The following GRID1 variants were observed in gnomAD, a reference collection of about 807,000 sequenced individuals.
The protein encoded by GRID1 is glutamate receptor ionotropic, delta-1.
A neutral mutation model predicts 98.0 loss-of-function variants in GRID1; 28 were observed. That is an observed-to-expected ratio of 0.29 (90% confidence interval 0.21 to 0.39). The LOEUF is 0.39. Among genes scored for constraint, GRID1 ranks in the 10% least tolerant of loss-of-function variants. The pLI, the probability that GRID1 is intolerant of heterozygous loss-of-function variation, is 1.00. For synonymous variants in GRID1, 553 were observed against 538.5 expected (o/e 1.03, Z -0.37); for missense variants, 1,111 against 1,340.5 (o/e 0.83, Z 2.67).
chr10:85,908,127 G>C (rs1841487764), intron 5 of GRID1, among the ~76,000 whole-genome samples: 1 of 152,116 alleles, frequency 6.6e-6, no homozygotes, highest in African/African-American at 2.4e-5. Context: ...ATACGAAAAT[G>C]ATGTCTCCTG....
chr10:85,684,722 A>C (rs1841249283), intron 12 of GRID1, among the ~76,000 whole-genome samples: 1 of 152,210 alleles, frequency 6.6e-6, no homozygotes, highest in South Asian at 2.1e-4. Context: ...CCATAATACA[A>C]TATCATAGAC....
intron 2 of GRID1, among the ~76,000 whole-genome samples, chr10:86,217,234 G>A (rs1283537518): frequency 6.6e-6 from 1 of 152,210 alleles, no homozygotes; most frequent in Non-Finnish European, 1.5e-5. Context: ...ACCAGCCCAG[G>A]AGACAGTCAG....
intron 12 of GRID1, among the ~76,000 whole-genome samples, chr10:85,699,924 T>A (rs1406026539): frequency 6.6e-6 from 1 of 152,228 alleles, no homozygotes; most frequent in African/African-American, 2.4e-5. Flanking sequence ...TTGCAGTTTA[T>A]ACCAACATGC....
intron 4 of GRID1, among the ~76,000 whole-genome samples, chr10:86,119,065 A>C (rs962625679): frequency 6.6e-6 from 1 of 152,226 alleles, no homozygotes; most frequent in Non-Finnish European, 1.5e-5. Context: ...GGCCGGGCAC[A>C]GTGGCTCATG....
intron 4 of GRID1, among the ~76,000 whole-genome samples, chr10:85,966,470 C>T (rs564464238): frequency 2.0e-5 from 3 of 152,208 alleles, no homozygotes; most frequent in East Asian, 1.9e-4. Context: ...CCCCATCATA[C>T]ATACAGAACC....
At chr10:86,147,408 C>T (rs957095738) in intron 3 of GRID1, among the ~76,000 whole-genome samples, 6 of 152,240 alleles carry the variant, frequency 3.9e-5, no homozygotes, top group African/African-American at 7.2e-5. Context: ...AAAAGAACAA[C>T]GCTGGAGGCA....
At chr10:86,279,713 A>T (rs1169757597) in intron 2 of GRID1, among the ~76,000 whole-genome samples, 1 of 152,244 alleles carries the variant, frequency 6.6e-6, no homozygotes, top group African/African-American at 2.4e-5. Flanking sequence ...GTTCACTGTC[A>T]TCACTTCTAA....
chr10:85,648,958 A>G (rs1297233137), intron 12 of GRID1, among the ~76,000 whole-genome samples: 1 of 152,222 alleles, frequency 6.6e-6, no homozygotes, highest in East Asian at 1.9e-4. Flanking sequence ...TGGTCCAGAA[A>G]AGTTAGTTAA....
chr10:86,348,453 A>T (rs1448461503), intron 2 of GRID1, among the ~76,000 whole-genome samples: 5 of 152,220 alleles, frequency 3.3e-5, no homozygotes. Flanking sequence ...GGGTGGAGGC[A>T]ACCAGGAGAG....
intron 5 of GRID1, among the ~76,000 whole-genome samples, 188 bp downstream of exon 5, chr10:85,915,998 C>T (rs1445891258): frequency 6.6e-6 from 1 of 152,212 alleles, no homozygotes; most frequent in Admixed American, 6.5e-5. Context: ...TTCTCTCGTT[C>T]CCACCTGCCA....
intron 4 of GRID1, among the ~76,000 whole-genome samples, chr10:85,952,119 T>G (rs1016910035): frequency 6.6e-6 from 1 of 152,240 alleles, no homozygotes; most frequent in Non-Finnish European, 1.5e-5. Flanking sequence ...CCTTTCTGTC[T>G]CTTATAGCAC....
rs113371313 is a variant in GRID1, at chr10:86,365,651, T to C, written c.79+663A>G. Among the ~76,000 whole-genome samples, 2 of 150,860 alleles carry C rather than the reference T, an allele frequency of 1.3e-5. No individual in the cohort carries two copies. The highest frequency in any genetic ancestry group is 4.9e-5 in the African/African-American group (2 of 40,914). ...ACTCTAGGACTGTCCAGGATGGGGA[T>C]GCAGTCGCCACAACCAGATACACAC... is the stretch of plus-strand genomic sequence containing the variant. On this transcript the variant is annotated intron_variant, in intron 1 of 15. Transcript: ENST00000327946. This position sits in a 1 kb window ranked among gnomAD's most constrained non-coding sequence, Gnocchi z 4.8.
chr10:85,825,864 T>G lies in GRID1; in HGVS notation c.1233+28632A>C, dbSNP rs530032368. 1.2e-4 allele frequency among the ~76,000 whole-genome samples: 19 copies of G among 152,156 alleles called. No homozygotes were observed. The South Asian group carries it at 3.9e-3, about 32-fold the overall frequency. On this transcript the variant is annotated intron_variant, in intron 8 of 15. Transcript: ENST00000327946. ...AAACTGATTATCAATAACTTATATT[T>G]TCAAATATATATAAATTTAAGTTAT...
At chr10:85,806,448 C>A (rs555016379) in intron 8 of GRID1, among the ~76,000 whole-genome samples, 36 of 152,088 alleles carry the variant, frequency 2.4e-4, no homozygotes, top group African/African-American at 8.2e-4. Flanking sequence ...TATCATAACC[C>A]TAGATATTTA....
intron 8 of GRID1, among the ~76,000 whole-genome samples, chr10:85,792,626 T>C (rs1472619653): frequency 6.6e-6 from 1 of 152,134 alleles, no homozygotes; most frequent in East Asian, 1.9e-4. Context: ...GCTGGCTAAA[T>C]GAAGTGACTG....
At chr10:86,329,418 A>G (rs1424149310) in intron 2 of GRID1, among the ~76,000 whole-genome samples, 7 of 152,174 alleles carry the variant, frequency 4.6e-5, no homozygotes. Context: ...GAATACCCCA[A>G]TATGCCTCCA....
At chr10:86,131,479 A>G (rs1214969932) in intron 4 of GRID1, among the ~76,000 whole-genome samples, 1 of 152,156 alleles carries the variant, frequency 6.6e-6, no homozygotes, top group Admixed American at 6.5e-5. Flanking sequence ...TTAATGACCC[A>G]CAAAGGAAGG....
chr10:86,293,123 T>C (rs1050206466), intron 2 of GRID1, among the ~76,000 whole-genome samples: 6 of 152,206 alleles, frequency 3.9e-5, no homozygotes, highest in African/African-American at 1.4e-4. Context: ...CCAACCCATG[T>C]GCCATTGCAG....
At chr10:85,797,519 T>C (rs1842535954) in intron 8 of GRID1, among the ~76,000 whole-genome samples, 1 of 152,040 alleles carries the variant, frequency 6.6e-6, no homozygotes. Context: ...AACCTCCACC[T>C]CCCGTGTTCA....
Sources: gnomAD v4.1 joint callset for allele counts (sites outside exome capture counted in the v4.1 genomes callset) on GRCh38, gnomAD v4.1.1 for gene constraint, Gnocchi (gnomAD v3.1) non-coding constraint, MANE v1.5 for transcripts, NCBI Gene and HGNC (gene_info 2026-07-23, HGNC 2026-07-21) for gene names.